The following TRIM14 variants were observed in gnomAD, a reference collection of about 807,000 sequenced individuals.
TRIM14 encodes tripartite motif-containing protein 14.
In TRIM14, 28 loss-of-function variants were observed where a neutral mutation model predicts 44.5. That is an observed-to-expected ratio of 0.63 (90% CI 0.47 to 0.86). TRIM14 has a LOEUF of 0.86. Ranked by LOEUF, TRIM14 falls within the 40% of genes least tolerant of loss-of-function variation. The pLI, the probability that TRIM14 is intolerant of heterozygous loss-of-function variation, is 0.00. For missense variants in TRIM14, 607 were observed against 611.1 expected (o/e 0.99, Z 0.07); for synonymous variants, 299 against 269.2 (o/e 1.11, Z -1.08).
chr9:98,083,632 T>C (rs964968018), downstream of TRIM14, among the ~76,000 whole-genome samples: 9 of 152,250 alleles, frequency 5.9e-5, no homozygotes, highest in Non-Finnish European at 1.2e-4. Flanking sequence ...AGGGCCATCT[T>C]TGTGCCAGGC....
chr9:98,045,765 G>T, the TRIM14 span, among the ~76,000 whole-genome samples: 6 of 152,286 alleles, frequency 3.9e-5, 1 homozygote, highest in East Asian at 1.2e-3. Context: ...ACCCCCAGGG[G>T]TGCTGAGTGA....
chr9:98,068,667 G>A (rs972510965), downstream of TRIM14, among the ~76,000 whole-genome samples: 33 of 142,426 alleles, frequency 2.3e-4, no homozygotes, highest in Non-Finnish European at 4.3e-4. Flanking sequence ...AAAAAAAAAA[G>A]CCAGGCATTG....
chr9:98,110,287 T>G, intron 1 of TRIM14: 1 of 368,490 alleles, frequency 2.7e-6, no homozygotes, highest in Non-Finnish European at 5.1e-6. Flanking sequence ...AGTGGGACTT[T>G]AAGGCAAACA....
the TRIM14 span, chr9:98,060,962 G>C: frequency 6.2e-7 from 1 of 1,614,066 alleles, no homozygotes; most frequent in Non-Finnish European, 8.5e-7. Flanking sequence ...CGCCGAGGAG[G>C]TTGGGATCTT....
the TRIM14 span, among the ~76,000 whole-genome samples, chr9:98,055,378 G>A: frequency 6.6e-6 from 1 of 152,150 alleles, no homozygotes; most frequent in Non-Finnish European, 1.5e-5. Flanking sequence ...TATGCCAGGA[G>A]TGCTGATTGG....
Position 98,119,191 on chromosome 9 carries a change from A to C in TRIM14, c.-3T>G, listed in dbSNP as rs757899917. On this transcript the variant is annotated 5_prime_UTR_variant, in exon 1 of 6. It removes an upstream start codon present in the reference 5' UTR. Coordinates refer to ENST00000341469, the MANE Select transcript of TRIM14 (RefSeq NM_014788.4). ...CTCCCGGTCGCCGCGCCCGCCATTC[A>C]TCTCCACCTCCTCCGGCTCCCCGGG... The C allele has an allele frequency of 3.2e-6, 5 of 1,570,116 alleles. No individual in the cohort carries two copies. The East Asian group carries it at 1.2e-4, about 38-fold the overall frequency.
At position 98,095,080 on chromosome 9, in the gene TRIM14, C is replaced by A. The variant is rs182836824; in HGVS notation, c.538-51G>T. The stretch of plus-strand genomic sequence containing the variant: ...TGGCTCTGGGAGATGCAGGCAGCAT[C>A]CCAGCCTCCTGTGCTGCACCCAGGA... On this transcript the variant is annotated intron_variant, in intron 3 of 5. Transcript: ENST00000341469. This position sits in a 1 kb window ranked among gnomAD's most constrained non-coding sequence, Gnocchi z 4.1. 1.8e-5 allele frequency: 28 copies of A among 1,577,288 alleles called. No homozygotes were observed. In the Admixed American group the frequency reaches 4.9e-4, roughly 27 times the overall value.
At chr9:98,065,403 G>A (rs1452666645), downstream of TRIM14, among the ~76,000 whole-genome samples, 1 of 135,062 alleles carries the variant, frequency 7.4e-6, no homozygotes, top group East Asian at 2.2e-4. Context: ...TGCGACTTCC[G>A]CCTCCTGGGT....
rs1267930481 is a variant in TRIM14, at chr9:98,095,841, G to A, written c.538-812C>T. On this transcript the variant is annotated intron_variant, in intron 3 of 5. Transcript: ENST00000341469. The surrounding 1 kb of genome is among the most constrained non-coding windows in gnomAD (Gnocchi z 4.1). ...GTCTTGCCCAGCAGGGGTGCCGTGG[G>A]GCCTATACTGGCACCAACCCCTGCT... 6.6e-6 allele frequency among the ~76,000 whole-genome samples: 1 copy of A among 152,124 alleles called. No homozygotes were observed. Among genetic ancestry groups the A allele is most frequent in the Non-Finnish European group, 1.5e-5 (1 of 68,022 alleles).
chr9:98,056,803 G>A, the TRIM14 span: 1 of 1,611,144 alleles, frequency 6.2e-7, no homozygotes, highest in Non-Finnish European at 8.5e-7. Flanking sequence ...ACCCCGAGCC[G>A]CTGCAATGCC....
chr9:98,111,316 T>G (rs1178027883), intron 1 of TRIM14, among the ~76,000 whole-genome samples: 1 of 152,112 alleles, frequency 6.6e-6, no homozygotes, highest in African/African-American at 2.4e-5. Flanking sequence ...CTTGCACCTG[T>G]AATCCCAGCT....
In TRIM14 at chr9:98,089,886, C is replaced by T. The variant is rs140519108; in HGVS notation, c.794-1881G>A. ...AGGGCAGGAGGAGCCTGTACCTCTT[C>T]CCCTAAGCTAATCTTTAGAATAAAA... is the stretch of plus-strand genomic sequence containing the variant. On this transcript the variant is annotated intron_variant, in intron 5 of 5. Coordinates refer to ENST00000341469, the MANE Select transcript of TRIM14 (RefSeq NM_014788.4). Among the ~76,000 whole-genome samples, 829 of 152,320 alleles carry T rather than the reference C, an allele frequency of 5.4e-3. 11 individuals carry two copies. The highest frequency in any genetic ancestry group is 0.017 in the African/African-American group (693 of 41,566).
intron 6 of TRIM14, among the ~76,000 whole-genome samples, chr9:98,071,732 G>C (rs969457049): frequency 1.3e-5 from 2 of 152,142 alleles, no homozygotes; most frequent in African/African-American, 4.8e-5. Context: ...CCATCCAGTG[G>C]TTCTCTCTAT....
intron 4 of TRIM14, 30 bp from the exon 5 acceptor site, chr9:98,092,031 C>T (rs374581958): frequency 7.2e-5 from 111 of 1,543,946 alleles, no homozygotes; most frequent in Non-Finnish European, 8.9e-5. Context: ...AATGAGCGCC[C>T]GGAGCTTATG....
intron 6 of TRIM14, among the ~76,000 whole-genome samples, chr9:98,078,854 AGTCT>A (rs1385724322): frequency 1.3e-5 from 2 of 150,024 alleles, no homozygotes; most frequent in Non-Finnish European, 3.0e-5. Context: ...AAAAAAAAAA[AGTCT>A]GTCTGTCAAC....
chr9:98,117,675 C>T lies in TRIM14; in HGVS notation c.207+1307G>A, dbSNP rs1403319628. Among the ~76,000 whole-genome samples, 4 of 152,152 alleles carry T rather than the reference C, an allele frequency of 2.6e-5. No homozygotes were observed. The East Asian group carries it at 7.7e-4, about 29-fold the overall frequency. On this transcript the variant is annotated intron_variant, in intron 1 of 5. Coordinates refer to ENST00000341469, the MANE Select transcript of TRIM14 (RefSeq NM_014788.4). ...TTTTTCCTTAAAAACTTATATGTAA[C>T]TGCTGCTAATCAGAGTGGATAGTCA...
chr9:98,099,452 C>CAAA (rs768209860), intron 3 of TRIM14, among the ~76,000 whole-genome samples: 9 of 36,734 alleles, frequency 2.5e-4, no homozygotes, highest in African/African-American at 7.1e-4. Context: ...AACTCCATCT[C>CAAA]AAAAAAAAAA....
In TRIM14 at chr9:98,084,604, C is replaced by A. The variant is rs1029209736; in HGVS notation, c.*2866G>T. The A allele has an allele frequency of 6.6e-6, 1 of 152,122 alleles. No individual in the cohort carries two copies. The highest frequency in any genetic ancestry group is 1.5e-5 in the Non-Finnish European group (1 of 68,020). The allele number at this position is 152,122 out of a possible 1,614,324, so 9.4% of individuals were successfully genotyped here. A position where few individuals can be genotyped will look rare whatever the true frequency, so the allele number is the denominator to read the frequency against. On this transcript the variant is annotated 3_prime_UTR_variant, in exon 6 of 6. Coordinates refer to ENST00000341469, the MANE Select transcript of TRIM14 (RefSeq NM_014788.4). ...TGGGAATACCAGTAGTCTCAGCACT[C>A]GGTCAGTACCGTGCAAGCTCCCTTG...
chr9:98,098,957 A>G (rs1259590959), intron 3 of TRIM14, among the ~76,000 whole-genome samples: 1 of 151,962 alleles, frequency 6.6e-6, no homozygotes, highest in Non-Finnish European at 1.5e-5. Flanking sequence ...TTTTTAGTAG[A>G]GAGGTGGTTT....
Sources: gnomAD v4.1 joint callset for allele counts (sites outside exome capture counted in the v4.1 genomes callset) on GRCh38, gnomAD v4.1.1 for gene constraint, Gnocchi (gnomAD v3.1) non-coding constraint, MANE v1.5 for transcripts, NCBI Gene and HGNC (gene_info 2026-07-23, HGNC 2026-07-21) for gene names.